Variants in GPHN observed in about 807,000 individuals in gnomAD.
The protein encoded by GPHN is gephyrin.
In GPHN, 17 loss-of-function variants were observed where a neutral mutation model predicts 95.5. The ratio of observed to expected loss-of-function variants is 0.18; its 90% CI spans 0.12 to 0.27. The LOEUF (loss-of-function observed/expected upper bound fraction) is 0.27. Among genes scored for constraint, GPHN ranks in the 10% least tolerant of loss-of-function variants. The pLI is 1.00. For synonymous variants in GPHN, 320 were observed against 322.5 expected, an observed-to-expected ratio of 0.99 and a Z score of 0.08; for missense variants, 660 against 978.1, an observed-to-expected ratio of 0.67 and a Z score of 4.34.
chr14:66,977,187 T>G (rs2070307088), intron 9 of GPHN, among the ~76,000 whole-genome samples: 1 of 152,106 alleles, frequency 6.6e-6, no homozygotes, highest in Non-Finnish European at 1.5e-5. Flanking sequence ...ATCCCAGTAC[T>G]TTGGGAGGCC....
intron 1 of GPHN, among the ~76,000 whole-genome samples, chr14:66,586,896 A>G (rs1402855374): frequency 6.6e-6 from 1 of 152,240 alleles, no homozygotes; most frequent in Non-Finnish European, 1.5e-5. Context: ...AGAAAAAAAC[A>G]AAGGTCAGAA....
Position 66,561,409 on chromosome 14 carries a change from A to G in GPHN, c.64+52818A>G, listed in dbSNP as rs140515286. On this transcript the variant is annotated intron_variant, in intron 1 of 22. Coordinates refer to ENST00000478722, the MANE Select transcript of GPHN (RefSeq NM_020806.5). ...TGATAAGCTATTGATTATTGCCACA[A>G]TTTCAGAGCCTGTTATTGGTCTATT... 3.5e-3 allele frequency among the ~76,000 whole-genome samples: 534 copies of G among 152,226 alleles called. 3 individuals are homozygous for G. Among genetic ancestry groups the G allele is most frequent in the African/African-American group, 0.012 (505 of 41,532 alleles).
the GPHN span, among the ~76,000 whole-genome samples, chr14:67,453,563 T>C: frequency 6.6e-6 from 1 of 152,372 alleles, no homozygotes; most frequent in South Asian, 2.1e-4. Context: ...CACCTATTTT[T>C]GCCCCCAAAA....
intron 2 of GPHN, among the ~76,000 whole-genome samples, chr14:66,721,038 A>G (rs1452845619): frequency 6.6e-6 from 1 of 152,222 alleles, no homozygotes; most frequent in Non-Finnish European, 1.5e-5. Context: ...GTCAAATCTA[A>G]TTAAGTCTTA....
At chr14:67,585,490 C>A in the GPHN span, 1 of 947,596 alleles carries the variant, frequency 1.1e-6, no homozygotes, top group Non-Finnish European at 1.6e-6. Flanking sequence ...CCTGGATGTG[C>A]CTTCTTTCTC....
the GPHN span, among the ~76,000 whole-genome samples, chr14:67,640,694 A>G: frequency 2.6e-5 from 4 of 152,170 alleles, no homozygotes; most frequent in African/African-American, 4.8e-5. Context: ...ATCTATGTCA[A>G]TGTTCTGTTC....
At chr14:67,555,825 A>C in the GPHN span, 1 of 1,613,386 alleles carries the variant, frequency 6.2e-7, no homozygotes. Context: ...GGCCAAGCAG[A>C]TGCAGGAGCT....
chr14:67,589,721 A>T, the GPHN span: 13 of 1,006,560 alleles, frequency 1.3e-5, no homozygotes, highest in African/African-American at 2.2e-4. Flanking sequence ...TTCTCAAGAC[A>T]TCTGATGTCA....
chr14:66,718,814 A>C (rs1357570703), intron 2 of GPHN, among the ~76,000 whole-genome samples: 1 of 152,138 alleles, frequency 6.6e-6, no homozygotes, highest in Non-Finnish European at 1.5e-5. Flanking sequence ...ACCTCTCAGA[A>C]GGACCATCAG....
At chr14:67,194,180 T>C in the GPHN span, among the ~76,000 whole-genome samples, 6 of 151,698 alleles carry the variant, frequency 4.0e-5, no homozygotes, top group East Asian at 1.2e-3. Flanking sequence ...CTGGGCAACA[T>C]GGTGAAATCC....
intron 11 of GPHN, among the ~76,000 whole-genome samples, chr14:67,076,735 T>A (rs2076509382): frequency 6.6e-6 from 1 of 152,186 alleles, no homozygotes; most frequent in Non-Finnish European, 1.5e-5. Flanking sequence ...ATGAGTAAAC[T>A]TTTGAAGAAT....
At chr14:67,002,127 A>G (rs914800804) in intron 9 of GPHN, among the ~76,000 whole-genome samples, 4 of 151,570 alleles carry the variant, frequency 2.6e-5, no homozygotes, top group Admixed American at 6.6e-5. Context: ...TTGACATTCT[A>G]TATTCAAAAA....
chr14:67,333,184 G>T, the GPHN span: 1 of 373,256 alleles, frequency 2.7e-6, no homozygotes, highest in Non-Finnish European at 4.8e-6. Flanking sequence ...CCTCATTTTG[G>T]GATTCTAAAT....
the GPHN span, among the ~76,000 whole-genome samples, chr14:67,683,893 A>C: frequency 6.6e-6 from 1 of 152,212 alleles, no homozygotes; most frequent in Non-Finnish European, 1.5e-5. Context: ...CAAGAACCCT[A>C]AGTTCCACAC....
chr14:67,189,040 A>C, the GPHN span, among the ~76,000 whole-genome samples: 2 of 152,068 alleles, frequency 1.3e-5, no homozygotes, highest in African/African-American at 4.8e-5. Context: ...TATTCTTTTA[A>C]CGCTTTTCTT....
At chr14:67,150,453 C>CAAAAAAAAAAAAAAAAAAAAAAA (rs1164806975) in intron 18 of GPHN, among the ~76,000 whole-genome samples, 2 of 98,056 alleles carry the variant, frequency 2.0e-5, no homozygotes, top group Admixed American at 1.3e-4. Context: ...AAAAAAAAAA[C>CAAAAAAAAAAAAAAAAAAAAAAA]AAAAAAAAAA....
At chr14:67,050,294 T>G (rs2075248728) in intron 10 of GPHN, among the ~76,000 whole-genome samples, 1 of 152,230 alleles carries the variant, frequency 6.6e-6, no homozygotes, top group Non-Finnish European at 1.5e-5. Flanking sequence ...TTATAAATAT[T>G]CAGTGGCTTA....
At chr14:67,576,594 T>C in the GPHN span, 1 of 661,746 alleles carries the variant, frequency 1.5e-6, no homozygotes, top group Non-Finnish European at 2.7e-6. The surrounding 1 kb of genome is among the most constrained non-coding windows in gnomAD (Gnocchi z 4.0). Context: ...TGTTGTACCC[T>C]GAAGCTGTTT....
intron 10 of GPHN, among the ~76,000 whole-genome samples, chr14:67,054,136 A>G (rs1409489272): frequency 6.6e-6 from 1 of 152,224 alleles, no homozygotes; most frequent in Non-Finnish European, 1.5e-5. Flanking sequence ...AGAAAGAAAT[A>G]AAGCATATTC....
Sources: allele counts gnomAD v4.1 joint callset (sites outside exome capture counted in the v4.1 genomes callset), GRCh38; gene constraint gnomAD v4.1.1; non-coding constraint Gnocchi (gnomAD v3.1); transcripts MANE v1.5; gene names NCBI Gene and HGNC (gene_info 2026-07-23, HGNC 2026-07-21).